GPR89B: variants seen among roughly 807,000 people sequenced by gnomAD.
GPR89B encodes the protein G protein-coupled receptor 89B.
Under a neutral mutation model 52.4 loss-of-function variants are expected in GPR89B, and 25 were observed. That is an observed-to-expected ratio of 0.48 (90% CI 0.35 to 0.67). GPR89B has a LOEUF of 0.67. GPR89B is among the 30% of genes least tolerant of loss of function. The pLI is 0.01. For missense variants in GPR89B, 146 were observed against 450.2 expected (o/e 0.32, Z 6.11); for synonymous variants, 52 against 151.2 (o/e 0.34, Z 4.81).
At chr1:147,963,976 G>A (rs1656836808) in intron 7 of GPR89B, among the ~76,000 whole-genome samples, 1 of 152,016 alleles carries the variant, frequency 6.6e-6, no homozygotes, top group Non-Finnish European at 1.5e-5. Flanking sequence ...TTTTTGAAAT[G>A]ATAAAATTAC....
At chr1:147,970,765 C>T (rs1349749884) in intron 10 of GPR89B, among the ~76,000 whole-genome samples, 9 of 149,316 alleles carry the variant, frequency 6.0e-5, no homozygotes, top group Non-Finnish European at 1.2e-4. Flanking sequence ...AATTCATTTG[C>T]TGTACATATA....
At chr1:147,997,819 A>G (rs1294982510), downstream of GPR89B, among the ~76,000 whole-genome samples, 1 of 151,594 alleles carries the variant, frequency 6.6e-6, no homozygotes, top group Non-Finnish European at 1.5e-5. Flanking sequence ...GACAGCTGTT[A>G]TATGGTCACA....
chr1:147,990,309 T>C (rs1168111669), intron 12 of GPR89B, among the ~76,000 whole-genome samples: 1 of 152,242 alleles, frequency 6.6e-6, no homozygotes, highest in East Asian at 1.9e-4. Flanking sequence ...GTTTTTTTCT[T>C]GTAAATTTGT....
rs182627118 is a variant in GPR89B, at chr1:147,947,748, A to G, written c.415+3650A>G. ...TTAATAACCCATATTAATCTCTTGG[A>G]TTTTTTATGTTACTGAGTGATATTA... On this transcript the variant is annotated intron_variant, in intron 5 of 13. Transcript: ENST00000314163. Among the ~76,000 whole-genome samples the G allele has an allele frequency of 9.9e-3, 1,509 of 152,150 alleles. 24 individuals carry two copies. The highest frequency in any genetic ancestry group is 0.035 in the African/African-American group (1,442 of 41,478).
intron 12 of GPR89B, among the ~76,000 whole-genome samples, chr1:147,989,930 G>A (rs1280601833): frequency 6.6e-6 from 1 of 152,204 alleles, no homozygotes; most frequent in Non-Finnish European, 1.5e-5. Flanking sequence ...ACATACGTGT[G>A]CATGTGTCTT....
chr1:147,949,847 G>T (rs1478413603), intron 5 of GPR89B, among the ~76,000 whole-genome samples: 5 of 133,906 alleles, frequency 3.7e-5, no homozygotes, highest in African/African-American at 6.0e-5. Flanking sequence ...GGGCAGAGGG[G>T]CTCCTCACTT....
intron 1 of GPR89B, among the ~76,000 whole-genome samples, chr1:147,932,498 C>T (rs1344692233): frequency 3.9e-5 from 6 of 152,190 alleles, no homozygotes; most frequent in African/African-American, 1.4e-4. Context: ...CTTTTCTTGA[C>T]CTTAATCAGC....
At chr1:147,970,531 C>A (rs372538141) in intron 10 of GPR89B, among the ~76,000 whole-genome samples, 3,081 of 140,824 alleles carry the variant, frequency 0.022, 11 homozygotes, top group Non-Finnish European at 0.033. Flanking sequence ...CTCTCTCTCT[C>A]TCTATCTCTA....
At chr1:148,017,742 T>TA in the GPR89B span, among the ~76,000 whole-genome samples, 9 of 57,270 alleles carry the variant, frequency 1.6e-4, no homozygotes, top group East Asian at 5.1e-3. Flanking sequence ...CGTCTCAAAA[T>TA]AAATAAATAA....
In GPR89B at chr1:147,978,568, C is replaced by A. The variant is rs1291517230; in HGVS notation, c.910-7631C>A. On this transcript the variant is annotated intron_variant, in intron 10 of 13. Coordinates refer to ENST00000314163, the MANE Select transcript of GPR89B (RefSeq NM_016334.5). ...GACTGCCCAGACCCTTCAGAGCCAG[C>A]AGGCAGGAAAGACTAAGTCTGCTGA... Among the ~76,000 whole-genome samples the A allele has an allele frequency of 2.2e-4, 34 of 151,668 alleles. No homozygotes were observed. In the East Asian group the frequency reaches 6.7e-3, roughly 30 times the overall value.
chr1:147,976,161 A>G (rs1374324397), intron 10 of GPR89B, among the ~76,000 whole-genome samples: 2 of 152,080 alleles, frequency 1.3e-5, no homozygotes, highest in Non-Finnish European at 2.9e-5. Flanking sequence ...GTAGATATCT[A>G]TCAGGTCCAC....
intron 7 of GPR89B, among the ~76,000 whole-genome samples, chr1:147,961,834 C>A (rs1417002739): frequency 1.3e-5 from 2 of 151,494 alleles, no homozygotes; most frequent in African/African-American, 4.9e-5. Flanking sequence ...ATAAATAAAC[C>A]ATGTTAATAG....
chr1:148,002,038 CT>C, the GPR89B span, among the ~76,000 whole-genome samples: 1,673 of 129,944 alleles, frequency 0.013, 16 homozygotes, highest in Non-Finnish European at 0.016. Context: ...CCAGATGCTG[CT>C]TTTTTTTTTT....
At chr1:147,955,601 G>A (rs1178729438) in intron 7 of GPR89B, among the ~76,000 whole-genome samples, 5 of 152,038 alleles carry the variant, frequency 3.3e-5, no homozygotes, top group Admixed American at 6.6e-5. Context: ...TAGTCATTCC[G>A]ACAGGTATGA....
chr1:147,934,668 C>T (rs1354328996), intron 1 of GPR89B, among the ~76,000 whole-genome samples: 3 of 152,130 alleles, frequency 2.0e-5, no homozygotes, highest in Non-Finnish European at 4.4e-5. Flanking sequence ...CTGTCCTAAC[C>T]CCCTACAGAT....
intron 7 of GPR89B, among the ~76,000 whole-genome samples, chr1:147,963,148 T>G (rs1463778524): frequency 6.8e-6 from 1 of 146,786 alleles, no homozygotes; most frequent in Non-Finnish European, 1.5e-5. Context: ...GAGGCCAGGG[T>G]GGGTGGATCA....
At chr1:147,942,641 T>C (rs1398826782) in intron 3 of GPR89B, among the ~76,000 whole-genome samples, 1 of 142,712 alleles carries the variant, frequency 7.0e-6, no homozygotes, top group African/African-American at 2.6e-5. Context: ...GAATTATTGA[T>C]AGATACTACA....
At chr1:147,958,915 A>T (rs1656330350) in intron 7 of GPR89B, among the ~76,000 whole-genome samples, 1 of 152,170 alleles carries the variant, frequency 6.6e-6, no homozygotes, top group African/African-American at 2.4e-5. Flanking sequence ...GACAGCAAAC[A>T]TGACAACACT....
chr1:147,970,861 A>G (rs1446672186), intron 10 of GPR89B, among the ~76,000 whole-genome samples: 2 of 150,520 alleles, frequency 1.3e-5, no homozygotes, highest in Middle Eastern at 3.2e-3. Flanking sequence ...ATGGATTTCA[A>G]TGTGATTACA....
Sources: gnomAD v4.1 joint callset for allele counts (sites outside exome capture counted in the v4.1 genomes callset) on GRCh38, gnomAD v4.1.1 for gene constraint, MANE v1.5 for transcripts, NCBI Gene and HGNC (gene_info 2026-07-23, HGNC 2026-07-21) for gene names.